VPS37A: variants seen among roughly 807,000 people sequenced by gnomAD.
The protein encoded by VPS37A is VPS37A subunit of ESCRT-I.
VPS37A carries 30 observed loss-of-function variants against 49.8 expected under a neutral mutation model. The observed-to-expected ratio is 0.60, with a 90% CI of 0.45 to 0.82. The LOEUF is 0.82. Among genes scored for constraint, VPS37A ranks in the 40% least tolerant of loss-of-function variants. The pLI is 0.00. For missense variants in VPS37A, 593 were observed against 464.4 expected (o/e 1.28, Z -2.55); for synonymous variants, 195 against 160.6 (o/e 1.21, Z -1.62).
At chr8:17,331,312 T>C in the VPS37A span, 1 of 1,553,874 alleles carries the variant, frequency 6.4e-7, no homozygotes, top group African/African-American at 1.4e-5. Context: ...AGAACAGTCA[T>C]CAATTACATT....
At chr8:17,293,960 C>A (rs756824073) in intron 11 of VPS37A, among the ~76,000 whole-genome samples, 7 of 152,212 alleles carry the variant, frequency 4.6e-5, no homozygotes, top group Non-Finnish European at 7.3e-5. Context: ...CAGTCTGTCT[C>A]TTAGCAGAGC....
chr8:17,325,612 T>C, the VPS37A span, among the ~76,000 whole-genome samples: 1 of 152,208 alleles, frequency 6.6e-6, no homozygotes, highest in Non-Finnish European at 1.5e-5. Context: ...CCACATGCTC[T>C]GGGCTCACTT....
At chr8:17,310,285 G>C in the VPS37A span, among the ~76,000 whole-genome samples, 3 of 152,110 alleles carry the variant, frequency 2.0e-5, no homozygotes, top group Non-Finnish European at 4.4e-5. Context: ...ACAGGTGTGA[G>C]CTACCACACC....
chr8:17,306,847 G>C (rs531216386), downstream of VPS37A, among the ~76,000 whole-genome samples: 1 of 152,130 alleles, frequency 6.6e-6, no homozygotes, highest in Non-Finnish European at 1.5e-5. Context: ...GTAGAAAGCT[G>C]AAACTGGATC....
At chr8:17,302,366 C>G (rs530456101), downstream of VPS37A, 389 of 1,420,904 alleles carry the variant, frequency 2.7e-4, 4 homozygotes, top group South Asian at 5.2e-3. Context: ...ATCTATGATA[C>G]CACAGTCTTA....
intron 1 of VPS37A, among the ~76,000 whole-genome samples, chr8:17,261,379 T>G (rs1812947087): frequency 6.6e-6 from 1 of 152,226 alleles, no homozygotes; most frequent in Non-Finnish European, 1.5e-5. Flanking sequence ...ATTTTTTGTT[T>G]TATCTTGGAG....
intron 1 of VPS37A, among the ~76,000 whole-genome samples, chr8:17,264,764 C>G (rs1813288532): frequency 6.6e-6 from 1 of 152,134 alleles, no homozygotes; most frequent in Non-Finnish European, 1.5e-5. Context: ...GTTTCATGTT[C>G]ATTTCAATAT....
intron 1 of VPS37A, chr8:17,248,168 C>A: frequency 2.7e-6 from 1 of 367,160 alleles, no homozygotes; most frequent in Non-Finnish European, 5.3e-6. Flanking sequence ...ATTAGAACTG[C>A]TTCTTTATAT....
At chr8:17,253,690 C>T (rs547430167) in intron 1 of VPS37A, among the ~76,000 whole-genome samples, 3 of 152,236 alleles carry the variant, frequency 2.0e-5, no homozygotes, top group South Asian at 2.1e-4. Context: ...ACCCCACTGC[C>T]GCTAGGTTAG....
At chr8:17,259,953 G>A (rs184570084) in intron 1 of VPS37A, among the ~76,000 whole-genome samples, 152 of 152,096 alleles carry the variant, frequency 1.0e-3, no homozygotes, top group Admixed American at 2.9e-3. Flanking sequence ...TTCAGTCTAC[G>A]TGTGTCTTTT....
At chr8:17,255,390 A>G (rs1455915593) in intron 1 of VPS37A, among the ~76,000 whole-genome samples, 1 of 152,166 alleles carries the variant, frequency 6.6e-6, no homozygotes, top group Non-Finnish European at 1.5e-5. Flanking sequence ...CTGAGGCAGG[A>G]CAATCACGTG....
At chr8:17,286,831 A>G (rs1446402368) in intron 11 of VPS37A, among the ~76,000 whole-genome samples, 1 of 152,120 alleles carries the variant, frequency 6.6e-6, no homozygotes, top group African/African-American at 2.4e-5. Flanking sequence ...CGATTACTCT[A>G]ATAATTCACC....
intron 11 of VPS37A, 184 bp downstream of exon 11, chr8:17,286,611 A>G: frequency 2.0e-6 from 1 of 499,004 alleles, no homozygotes. Flanking sequence ...ACTAGTAGAA[A>G]TCTTTTGGAT....
At chr8:17,302,960 C>G (rs1380267212), downstream of VPS37A, among the ~76,000 whole-genome samples, 3 of 152,038 alleles carry the variant, frequency 2.0e-5, no homozygotes, top group Non-Finnish European at 2.9e-5. Context: ...ATCCACCCAC[C>G]TCAGCCTCCC....
the VPS37A span, among the ~76,000 whole-genome samples, chr8:17,331,750 C>T: frequency 6.6e-6 from 1 of 152,154 alleles, no homozygotes; most frequent in Non-Finnish European, 1.5e-5. Context: ...GGAATGGTTG[C>T]ATCATTCTAA....
chr8:17,286,252 C>A, intron 10 of VPS37A, 95 bp from the exon 11 acceptor site: 1 of 939,658 alleles, frequency 1.1e-6, no homozygotes, highest in South Asian at 1.7e-5. Flanking sequence ...AAAATAATGC[C>A]AACAAGTTAA....
the VPS37A span, among the ~76,000 whole-genome samples, chr8:17,325,505 G>T: frequency 6.6e-6 from 1 of 152,300 alleles, no homozygotes; most frequent in East Asian, 1.9e-4. Context: ...CTGCTAAAAA[G>T]ATTCCAGTCT....
At chr8:17,317,804 T>C in the VPS37A span, among the ~76,000 whole-genome samples, 2 of 152,212 alleles carry the variant, frequency 1.3e-5, no homozygotes, top group African/African-American at 2.4e-5. Flanking sequence ...TGCAGCTTTT[T>C]TTTCTAGTCT....
At chr8:17,307,442 T>C in the VPS37A span, among the ~76,000 whole-genome samples, 12 of 152,302 alleles carry the variant, frequency 7.9e-5, 1 homozygote, top group African/African-American at 2.2e-4. Context: ...TTGGTGGGAC[T>C]GTAAACTAGT....
Sources: gnomAD v4.1 joint callset for allele counts (sites outside exome capture counted in the v4.1 genomes callset) on GRCh38, gnomAD v4.1.1 for gene constraint, MANE v1.5 for transcripts, NCBI Gene and HGNC (gene_info 2026-07-23, HGNC 2026-07-21) for gene names.